The following PABIR2 variants were observed in gnomAD, a reference collection of about 807,000 sequenced individuals.
PABIR2 encodes family with sequence similarity 122B.
PABIR2 carries 7 observed loss-of-function variants against 22.8 expected under a neutral mutation model. The ratio of observed to expected loss-of-function variants is 0.31; its 90% CI spans 0.17 to 0.58. The LOEUF is 0.58. Ranked by LOEUF, PABIR2 falls within the 20% of genes least tolerant of loss-of-function variation. The pLI is 0.89. For synonymous variants in PABIR2, 67 were observed against 73.8 expected, an observed-to-expected ratio of 0.91 and a Z score of 0.47; for missense variants, 155 against 205.1, an observed-to-expected ratio of 0.76 and a Z score of 1.49.
intron 9 of PABIR2, among the ~76,000 whole-genome samples, chrX:134,777,428 AGGTG>A (rs1489090620): frequency 9.7e-6 from 1 of 103,146 alleles, no homozygotes. Context: ...CGGGAGGCCG[AGGTG>A]GGTGGATGGC....
At chrX:134,781,992 T>C (rs1210812160) in intron 8 of PABIR2, 75 bp from the exon 9 acceptor site, 1 of 682,362 alleles carries the variant, frequency 1.5e-6, no homozygotes, top group Admixed American at 2.9e-5. Context: ...ATGATGACCT[T>C]TGTTTAACCA....
chrX:134,780,341 C>T (rs912923162), intron 9 of PABIR2, among the ~76,000 whole-genome samples: 1 of 111,931 alleles, frequency 8.9e-6, no homozygotes, highest in African/African-American at 3.2e-5. Context: ...TTTGGGAGGC[C>T]GAGGTGGGCG....
intron 2 of PABIR2, 135 bp downstream of exon 2, chrX:134,793,680 G>T: frequency 1.3e-6 from 1 of 794,206 alleles, no homozygotes; most frequent in Non-Finnish European, 1.9e-6. Flanking sequence ...CACAGCATAA[G>T]CAGTAAACAA....
In PABIR2 at chrX:134,781,851, T is replaced by C; in HGVS notation, c.629A>G (p.Asp210Gly). ...FQGTTNMLSP[D>G]AAQLSDLSSC... ...ACTGAGATCAGACAGTTGCGCGGCA[T>C]CTGGAGATAACATATTGGTAGTGCC... The change falls in exon 9 of 10, where the codon GAT becomes GGT. Residue 210 changes from aspartate to glycine, a missense_variant. Physicochemically the swap from Asp to Gly is moderately conservative, Grantham distance 94. Transcript: ENST00000343004. The C allele has an allele frequency of 8.3e-7, 1 of 1,203,181 alleles. No homozygotes were observed. Among genetic ancestry groups the C allele is most frequent in the African/African-American group, 1.7e-5 (1 of 57,698 alleles).
At chrX:134,786,547 T>G (rs994847858) in intron 7 of PABIR2, among the ~76,000 whole-genome samples, 3 of 111,824 alleles carry the variant, frequency 2.7e-5, no homozygotes, top group African/African-American at 9.8e-5. Context: ...TAATTTGGAT[T>G]TGATTGATCT....
intron 9 of PABIR2, among the ~76,000 whole-genome samples, 175 bp from the exon 10 acceptor site, chrX:134,772,458 A>G (rs1478524032): frequency 1.8e-5 from 2 of 111,807 alleles, no homozygotes; most frequent in Non-Finnish European, 3.8e-5. Flanking sequence ...ACAGAAATCC[A>G]AAGTAAGACT....
At chrX:134,789,720 A>G (rs1474599016) in intron 2 of PABIR2, 84 bp from the exon 3 acceptor site, 3 of 850,674 alleles carry the variant, frequency 3.5e-6, no homozygotes, top group African/African-American at 4.1e-5. Context: ...ACCTCTTCCT[A>G]GGTAAGTTTT....
At chrX:134,774,393 T>A (rs939712624) in intron 9 of PABIR2, among the ~76,000 whole-genome samples, 4 of 111,816 alleles carry the variant, frequency 3.6e-5, no homozygotes, top group Non-Finnish European at 7.5e-5. Context: ...CTTTGCTACT[T>A]GGCAGGAAGA....
chrX:134,778,507 A>C (rs1012224318), intron 9 of PABIR2, among the ~76,000 whole-genome samples: 3 of 106,081 alleles, frequency 2.8e-5, no homozygotes, highest in Non-Finnish European at 3.9e-5. Context: ...TCCGTCTCAA[A>C]AAAAAAAAAA....
intron 1 of PABIR2, among the ~76,000 whole-genome samples, chrX:134,795,038 G>A (rs949308516): frequency 3.6e-5 from 4 of 111,954 alleles, no homozygotes; most frequent in African/African-American, 1.3e-4. Flanking sequence ...TTGCTTATGA[G>A]ATTTCAAAAG....
In PABIR2 at chrX:134,771,685, C is replaced by T; in HGVS notation, c.*454G>A. ...TAATTAAAAGCAATTTATATATCATCATGAAATAAAGAGAGATTTGAAACT... is the reference window on the plus strand; with the variant it reads ...TAATTAAAAGCAATTTATATATCATTATGAAATAAAGAGAGATTTGAAACT... On this transcript the variant is annotated 3_prime_UTR_variant, in exon 10 of 10. Coordinates refer to ENST00000343004, the MANE Select transcript of PABIR2 (RefSeq NM_001387468.1). 1 of 786,066 alleles carries T rather than the reference C, an allele frequency of 1.3e-6. No homozygotes were observed. The highest frequency in any genetic ancestry group is 2.2e-5 in the African/African-American group (1 of 45,051). The allele number at this position is 786,066 out of a possible 1,213,427, so 64.8% of individuals were successfully genotyped here.
At chrX:134,791,746 C>CA in intron 2 of PABIR2, 2 of 309,518 alleles carry the variant, frequency 6.5e-6, no homozygotes, top group Admixed American at 7.2e-5. Flanking sequence ...GTCATCTGCT[C>CA]AAAGTAAAAA....
chrX:134,772,101 G>A lies in PABIR2; in HGVS notation c.*38C>T. The A allele has an allele frequency of 8.6e-7, 1 of 1,164,043 alleles. No homozygotes were observed. On this transcript the variant is annotated 3_prime_UTR_variant, in exon 10 of 10. Transcript: ENST00000343004. ...GTTCCCCACTAAACATTTTATGTAG[G>A]AAACAGCAGTTAAAACGTTGAATCA...
intron 1 of PABIR2, among the ~76,000 whole-genome samples, chrX:134,794,472 T>C (rs1457324653): frequency 9.0e-6 from 1 of 111,078 alleles, no homozygotes; most frequent in East Asian, 2.8e-4. Context: ...TCCTTCCACA[T>C]CCATCTTGAA....
In PABIR2 at chrX:134,787,528, G is replaced by A. The variant is rs766051210; in HGVS notation, c.441C>T (p.Phe147=). ...PSPTRGFGKM[F]VSSSGLPPSP... ...TTGGTGGCAATCCACTGCTGCTCAC[G>A]AACATCTGTAAGAAGGGTGAAAAAC... Residue 147 remains phenylalanine, a synonymous_variant, in exon 7 of 10, where the codon TTC becomes TTT. Coordinates refer to ENST00000343004, the MANE Select transcript of PABIR2 (RefSeq NM_001387468.1). 7.8e-5 allele frequency: 93 copies of A among 1,199,699 alleles called. No individual in the cohort carries two copies. The highest frequency in any genetic ancestry group is 9.4e-5 in the Non-Finnish European group (84 of 889,558).
intron 9 of PABIR2, among the ~76,000 whole-genome samples, chrX:134,775,135 A>G (rs2078934747): frequency 8.9e-6 from 1 of 112,244 alleles, no homozygotes; most frequent in African/African-American, 3.2e-5. Flanking sequence ...GGATCTGGAC[A>G]ATTCAAATTG....
At chrX:134,776,096 G>T (rs1325242447) in intron 9 of PABIR2, among the ~76,000 whole-genome samples, 1 of 111,704 alleles carries the variant, frequency 9.0e-6, no homozygotes, top group Non-Finnish European at 1.9e-5. Flanking sequence ...GTGTGTGTGT[G>T]TGTGTGTGTG....
chrX:134,782,565 T>C (rs1236395269), intron 8 of PABIR2, among the ~76,000 whole-genome samples: 1 of 111,971 alleles, frequency 8.9e-6, no homozygotes, highest in East Asian at 2.8e-4. Flanking sequence ...GCTTAACATT[T>C]TGCTACCAGG....
rs2078837273 is a variant in PABIR2, at chrX:134,771,517, C to A, written c.*622G>T. On this transcript the variant is annotated 3_prime_UTR_variant, in exon 10 of 10. Transcript: ENST00000343004. ...CTAAAATCAATGCTCACTTCACACA[C>A]CCCAACAGCAAAGAAGCAATAAGAG... 4 of 998,664 alleles carry A rather than the reference C, an allele frequency of 4.0e-6. No homozygotes were observed. The Admixed American group carries it at 2.0e-4, about 50-fold the overall frequency. 82.3% of individuals were successfully genotyped at this position (998,664 alleles called of 1,213,427 possible).
Sources: gnomAD v4.1 joint callset for allele counts (sites outside exome capture counted in the v4.1 genomes callset) on GRCh38, gnomAD v4.1.1 for gene constraint, MANE v1.5 for transcripts, NCBI Gene and HGNC (gene_info 2026-07-23, HGNC 2026-07-21) for gene names.